The following XPC variants were observed in gnomAD, a reference collection of about 807,000 sequenced individuals.
The protein encoded by XPC is XPC complex subunit, DNA damage recognition and repair factor, also known as DNA repair protein complementing XP-C cells.
In XPC, 76 loss-of-function variants were observed where a neutral mutation model predicts 95.8. That is an observed-to-expected ratio of 0.79 (90% CI 0.66 to 0.96). The LOEUF (loss-of-function observed/expected upper bound fraction) is 0.96, where lower values mean the gene tolerates loss of function less well. Among genes scored for constraint, XPC ranks in the 40% least tolerant of loss-of-function variants. The probability of loss-of-function intolerance (pLI) is 0.00; values close to 1 mark genes in which losing one functional copy is unlikely to be tolerated. For synonymous variants in XPC, 442 were observed against 442.1 expected, an observed-to-expected ratio of 1.00 and a Z score of 0.00; for missense variants, 1,146 against 1,179.8, an observed-to-expected ratio of 0.97 and a Z score of 0.42.
At chr3:14,178,360 G>C in intron 1 of XPC, 106 bp downstream of exon 1, 1 of 1,299,488 alleles carries the variant, frequency 7.7e-7, no homozygotes, top group Non-Finnish European at 1.0e-6. Flanking sequence ...CGGAACGCGC[G>C]CAGCAACCTC....
rs564032627 is a variant in XPC, at chr3:14,148,149, G to A, written c.2421-148C>T. 2.2e-4 allele frequency: 151 copies of A among 674,680 alleles called. 2 individuals are homozygous for A. Among genetic ancestry groups the A allele is most frequent in the Admixed American group, 1.8e-3 (64 of 34,758 alleles). 41.8% of individuals were successfully genotyped at this position (674,680 alleles called of 1,614,324 possible). On this transcript the variant is annotated intron_variant, in intron 13 of 15. Coordinates refer to ENST00000285021, the MANE Select transcript of XPC (RefSeq NM_004628.5). Reference sequence around the variant, plus strand: ...GGTCAGCCAGTGTCCCACATCCTCCGTGCAGAAGGCAGGCCTGTGGAAGCT... The same window carrying A: ...GGTCAGCCAGTGTCCCACATCCTCCATGCAGAAGGCAGGCCTGTGGAAGCT...
intron 3 of XPC, among the ~76,000 whole-genome samples, chr3:14,169,780 C>A (rs995864505): frequency 6.6e-6 from 1 of 152,158 alleles, no homozygotes; most frequent in Non-Finnish European, 1.5e-5. Flanking sequence ...AACATACATT[C>A]AATGTGGCAA....
At chr3:14,166,198 C>T (rs941541706) in intron 5 of XPC, among the ~76,000 whole-genome samples, 2 of 152,142 alleles carry the variant, frequency 1.3e-5, no homozygotes, top group Non-Finnish European at 2.9e-5. Flanking sequence ...TCAACATTGG[C>T]TTCCTCCCCC....
chr3:14,152,343 G>T lies in XPC; in HGVS notation c.2107C>A (p.Pro703Thr). ...CCCCCAGCTCCAGTTACCTTGTAGG[G>T]TACTTCTCCAAGCCTCACCACTCTT... Reference protein sequence around the residue: ...KARVVRLGEVPYKMVKGFSNR... With the variant: ...KARVVRLGEVTYKMVKGFSNR... The change falls in exon 11 of 16, where the codon CCC becomes ACC. Residue 703 changes from proline (P) to threonine (T), a missense_variant. Coordinates refer to ENST00000285021, the MANE Select transcript of XPC (RefSeq NM_004628.5). The T allele has an allele frequency of 6.2e-6, 10 of 1,612,836 alleles. No individual in the cohort carries two copies. Among genetic ancestry groups the T allele is most frequent in the Non-Finnish European group, 8.5e-6 (10 of 1,179,408 alleles).
intron 10 of XPC, among the ~76,000 whole-genome samples, chr3:14,156,029 T>C (rs2125021167): frequency 1.3e-5 from 2 of 152,338 alleles, no homozygotes; most frequent in Middle Eastern, 3.4e-3. Flanking sequence ...TTCCTTCCTT[T>C]TGTATGTTTT....
chr3:14,161,990 T>G (rs573721818), intron 7 of XPC, among the ~76,000 whole-genome samples: 27 of 152,238 alleles, frequency 1.8e-4, no homozygotes, highest in African/African-American at 6.5e-4. Flanking sequence ...AAATCAGTTG[T>G]GTTTCTATAC....
At chr3:14,172,774 C>A in intron 2 of XPC, 93 bp downstream of exon 2, 1 of 1,370,660 alleles carries the variant, frequency 7.3e-7, no homozygotes. Flanking sequence ...CTTCCATGGA[C>A]CCCAGTGACA....
At chr3:14,175,588 T>G (rs996808321) in intron 1 of XPC, among the ~76,000 whole-genome samples, 1 of 152,144 alleles carries the variant, frequency 6.6e-6, no homozygotes, top group African/African-American at 2.4e-5. Context: ...TAAACAGCTG[T>G]TGAAGGAATT....
At chr3:14,164,684 A>G (rs977494040) in intron 7 of XPC, 129 bp downstream of exon 7, 1 of 932,246 alleles carries the variant, frequency 1.1e-6, no homozygotes, top group African/African-American at 1.7e-5. Context: ...TTCAGCAGCT[A>G]TCAACGTCAT....
intron 11 of XPC, 89 bp downstream of exon 11, chr3:14,152,246 G>T: frequency 8.9e-7 from 1 of 1,127,180 alleles, no homozygotes; most frequent in Non-Finnish European, 1.3e-6. Flanking sequence ...GGACTGGGAG[G>T]CTCATCATCA....
intron 11 of XPC, among the ~76,000 whole-genome samples, chr3:14,149,317 T>C (rs1465726039): frequency 1.3e-5 from 2 of 152,142 alleles, no homozygotes; most frequent in Non-Finnish European, 2.9e-5. Context: ...ACTCCTGACC[T>C]CAGGTGATGC....
At chr3:14,167,659 CTT>C (rs954914169) in intron 4 of XPC, among the ~76,000 whole-genome samples, 9 of 152,230 alleles carry the variant, frequency 5.9e-5, no homozygotes, top group Non-Finnish European at 1.0e-4. Flanking sequence ...TGTAAAATCT[CTT>C]TTTCAGTCTG....
chr3:14,162,460 G>A (rs1696202938), intron 7 of XPC, among the ~76,000 whole-genome samples: 1 of 152,188 alleles, frequency 6.6e-6, no homozygotes, highest in African/African-American at 2.4e-5. Flanking sequence ...GAATTGAGAG[G>A]CTGGAAATTA....
chr3:14,158,502 C>G lies in XPC; in HGVS notation c.1381G>C (p.Glu461Gln). ...TTCCTCTGCTTTGGAGGGCCAGGTTCGGAATCCTCATCAGAGGGATCAGAG... is the reference window on the plus strand; with the variant it reads ...TTCCTCTGCTTTGGAGGGCCAGGTTGGGAATCCTCATCAGAGGGATCAGAG... ...EASDPSDEDS[E>Q]PGPPKQRKAP... The change falls in exon 9 of 16, where the codon GAA becomes CAA. Residue 461 changes from glutamate (E) to glutamine (Q), a missense_variant. Transcript: ENST00000285021. The surrounding 1 kb of genome is among the most constrained non-coding windows in gnomAD (Gnocchi z 5.2). 1 of 1,612,016 alleles carries G rather than the reference C, an allele frequency of 6.2e-7. No individual in the cohort carries two copies. Among genetic ancestry groups the G allele is most frequent in the East Asian group, 2.2e-5 (1 of 44,812 alleles).
chr3:14,157,288 TC>T (rs1559374548), intron 9 of XPC, among the ~76,000 whole-genome samples: 1 of 152,092 alleles, frequency 6.6e-6, no homozygotes, highest in Non-Finnish European at 1.5e-5. Flanking sequence ...TGCATTGCAC[TC>T]CTATAGGAAA....
At chr3:14,178,286 C>G (rs886794159) in intron 1 of XPC, 180 bp downstream of exon 1, 3 of 677,300 alleles carry the variant, frequency 4.4e-6, no homozygotes, top group African/African-American at 3.9e-5. Context: ...TCTGGGTGCG[C>G]AGGACAAAGA....
chr3:14,172,958 G>C lies in XPC; in HGVS notation c.208C>G (p.Pro70Ala). The change falls in exon 2 of 16, where the codon CCA becomes GCA. Residue 70 changes from proline (P) to alanine (A), a missense_variant. Transcript: ENST00000285021. The part of the protein sequence containing the change: ...CSHPGGSADG[P>A]AKKKVAKVTV... The stretch of plus-strand genomic sequence containing the variant: ...ACCTTGGCCACTTTCTTTTTTGCTG[G>C]ACCATCTGCTGAACCCCCAGGATGA... The C allele has an allele frequency of 6.2e-7, 1 of 1,613,784 alleles. No individual in the cohort carries two copies.
rs541438457 is a variant in XPC, at chr3:14,159,726, C to T, written c.990+15G>A. 6 of 1,554,824 alleles carry T rather than the reference C, an allele frequency of 3.9e-6. No individual in the cohort carries two copies. On this transcript the variant is annotated intron_variant, in intron 8 of 15. Transcript: ENST00000285021. ...GTCAATTGCTCCTCTTCTCTGGCAG[C>T]CCTGCGCACCTCACCTTTGCTGTTG... is the stretch of plus-strand genomic sequence containing the variant.
intron 4 of XPC, 90 bp downstream of exon 4, chr3:14,168,167 G>C: frequency 6.8e-7 from 1 of 1,470,876 alleles, no homozygotes; most frequent in Non-Finnish European, 9.0e-7. Context: ...CTCAGTCCTG[G>C]TCCCCTACAA....
Sources: gnomAD v4.1 joint callset for allele counts (sites outside exome capture counted in the v4.1 genomes callset) on GRCh38, gnomAD v4.1.1 for gene constraint, Gnocchi (gnomAD v3.1) non-coding constraint, MANE v1.5 for transcripts, NCBI Gene and HGNC (gene_info 2026-07-23, HGNC 2026-07-21) for gene names.